COBL: variants seen among roughly 807,000 people sequenced by gnomAD.
COBL encodes the protein cordon-bleu WH2 repeat protein, also known as protein cordon-bleu.
A neutral mutation model predicts 98.8 loss-of-function variants in COBL; 51 were observed. That is an observed-to-expected ratio of 0.52 (90% confidence interval 0.41 to 0.65). The LOEUF (loss-of-function observed/expected upper bound fraction) is 0.65, where lower values mean the gene tolerates loss of function less well. Ranked by LOEUF, COBL falls within the 30% of genes least tolerant of loss-of-function variation. The probability of loss-of-function intolerance (pLI) is 0.00; values close to 1 mark genes in which losing one functional copy is unlikely to be tolerated. For missense variants in COBL, 1,617 were observed against 1,617.5 expected (o/e 1.00, Z 0.01); for synonymous variants, 634 against 651.7 (o/e 0.97, Z 0.41).
intron 6 of COBL, among the ~76,000 whole-genome samples, chr7:51,103,303 AAGAG>A (rs914403950): frequency 1.3e-5 from 2 of 152,152 alleles, no homozygotes; most frequent in South Asian, 4.1e-4. Flanking sequence ...GTGTGTGAGA[AAGAG>A]AGAGAATTGG....
intron 1 of COBL, among the ~76,000 whole-genome samples, chr7:51,258,964 T>C (rs1199146422): frequency 6.6e-6 from 1 of 152,092 alleles, no homozygotes; most frequent in Non-Finnish European, 1.5e-5. Flanking sequence ...GCCTCCTCTG[T>C]CATCCCAATC....
In COBL at chr7:51,207,956, CCTGGCCG is replaced by C. The variant is rs1378088824; in HGVS notation, c.245+11778_245+11784del. Among the ~76,000 whole-genome samples the C allele has an allele frequency of 3.7e-3, 512 of 137,348 alleles. 8 individuals carry two copies. Among genetic ancestry groups the C allele is most frequent in the African/African-American group, 0.013 (486 of 37,870 alleles). 90.1% of individuals were successfully genotyped at this position (137,348 alleles called of 152,430 possible). A position where few individuals can be genotyped will look rare whatever the true frequency, so the allele number is the denominator to read the frequency against. On this transcript the variant is annotated intron_variant, in intron 2 of 12. Transcript: ENST00000265136. ...GTCTGGAAAGTGAGGAGCGTCTCTG[CCTGGCCG>C]CCATCCCATCTAGGAAGTGAGGAGA... is the stretch of plus-strand genomic sequence containing the variant.
At chr7:51,158,564 A>T (rs1231710496) in intron 5 of COBL, among the ~76,000 whole-genome samples, 1 of 152,166 alleles carries the variant, frequency 6.6e-6, no homozygotes, top group Non-Finnish European at 1.5e-5. Context: ...AGCAGTGGGG[A>T]TTTAAGAAGA....
chr7:51,120,106 T>C (rs1350065981), intron 6 of COBL, among the ~76,000 whole-genome samples: 2 of 152,134 alleles, frequency 1.3e-5, no homozygotes, highest in Non-Finnish European at 2.9e-5. Context: ...TAAGTAAATA[T>C]AATAAATATG....
intron 2 of COBL, among the ~76,000 whole-genome samples, chr7:51,205,610 A>G (rs1330317550): frequency 6.7e-6 from 1 of 150,266 alleles, no homozygotes; most frequent in Non-Finnish European, 1.5e-5. Flanking sequence ...TGGTCTGGGC[A>G]GTTTTTTGTT....
chr7:51,172,187 C>T (rs1392190481), intron 5 of COBL, among the ~76,000 whole-genome samples: 4 of 152,182 alleles, frequency 2.6e-5, no homozygotes, highest in African/African-American at 7.2e-5. Context: ...ATGGTAGTTT[C>T]GGGAAGCATG....
chr7:51,261,904 CGCCAT>C (rs1797755268), intron 1 of COBL, among the ~76,000 whole-genome samples: 1 of 152,102 alleles, frequency 6.6e-6, no homozygotes, highest in African/African-American at 2.4e-5. Context: ...GCCAAGATCA[CGCCAT>C]TGCACTCCAA....
chr7:51,315,259 C>A (rs75040138), intron 1 of COBL, among the ~76,000 whole-genome samples: 83 of 137,492 alleles, frequency 6.0e-4, no homozygotes, highest in Non-Finnish European at 5.9e-4. Context: ...AAGTGCACTG[C>A]AAAAAAAAAA....
chr7:51,309,920 G>T (rs1802851498), intron 1 of COBL, among the ~76,000 whole-genome samples: 1 of 152,170 alleles, frequency 6.6e-6, no homozygotes, highest in African/African-American at 2.4e-5. Flanking sequence ...CTCTCAGAAG[G>T]CCTCCTGGGG....
rs74937360 is a variant in COBL, at chr7:51,214,451, T to C, written c.245+5290A>G. Among the ~76,000 whole-genome samples the C allele has an allele frequency of 8.3e-3, 1,269 of 152,242 alleles. 69 individuals are homozygous for C. In the South Asian group the frequency reaches 0.15, roughly 18 times the overall value. On this transcript the variant is annotated intron_variant, in intron 2 of 12. Transcript: ENST00000265136. ...AGGTGTGAACAGGCGATCTCAGACA[T>C]GGAGTGCATTCTGGTTGGCTTCAGC...
At chr7:51,184,511 A>C (rs540948812) in intron 4 of COBL, among the ~76,000 whole-genome samples, 2 of 152,372 alleles carry the variant, frequency 1.3e-5, no homozygotes, top group Non-Finnish European at 2.9e-5. Context: ...ACAGAAAGCT[A>C]AACCAGACCA....
At chr7:51,022,010 G>A (rs1230111074) in intron 12 of COBL, among the ~76,000 whole-genome samples, 1 of 152,116 alleles carries the variant, frequency 6.6e-6, no homozygotes, top group African/African-American at 2.4e-5. Context: ...AGGGCAGGTC[G>A]ATCACCCAAT....
chr7:51,181,749 G>A (rs1410891021), intron 5 of COBL, among the ~76,000 whole-genome samples: 1 of 152,138 alleles, frequency 6.6e-6, no homozygotes, highest in Admixed American at 6.6e-5. Flanking sequence ...CACTGACTGC[G>A]CCTTCACTGC....
chr7:51,217,167 C>T (rs1793133924), intron 2 of COBL, among the ~76,000 whole-genome samples: 1 of 152,190 alleles, frequency 6.6e-6, no homozygotes, highest in African/African-American at 2.4e-5. Flanking sequence ...TACAAAACTT[C>T]ATGGTGGCAA....
chr7:51,065,265 G>A, intron 7 of COBL: 1 of 703,452 alleles, frequency 1.4e-6, no homozygotes. Flanking sequence ...AAAGACCCAA[G>A]AGAAGGCTGA....
intron 1 of COBL, among the ~76,000 whole-genome samples, chr7:51,295,918 T>C (rs1412496299): frequency 1.3e-5 from 2 of 152,220 alleles, no homozygotes; most frequent in East Asian, 3.8e-4. Flanking sequence ...ATCTTAGGGA[T>C]AGTTACAGCT....
chr7:51,214,490 C>T (rs892289986), intron 2 of COBL, among the ~76,000 whole-genome samples: 11 of 152,046 alleles, frequency 7.2e-5, no homozygotes, highest in African/African-American at 2.2e-4. Context: ...GAAGGAATCC[C>T]TTTGCTGACC....
intron 1 of COBL, among the ~76,000 whole-genome samples, chr7:51,304,048 C>A (rs759695660): frequency 1.9e-4 from 29 of 152,144 alleles, no homozygotes; most frequent in Non-Finnish European, 3.4e-4. Flanking sequence ...CTAATGCTCC[C>A]CCAAAACCAC....
rs543923406 is a variant in COBL, at chr7:51,130,241, CT to C, written c.957+5916del. On this transcript the variant is annotated intron_variant, in intron 6 of 12. Transcript: ENST00000265136. The stretch of plus-strand genomic sequence containing the variant: ...TCTACTTTGCTGAGCCTCAGCCGAC[CT>C]GAGTCCTTCCTTCCGAACAAAGCAC... Among the ~76,000 whole-genome samples the C allele has an allele frequency of 1.3e-3, 197 of 152,306 alleles. 1 individual carries two copies. The highest frequency in any genetic ancestry group is 1.7e-3 in the Non-Finnish European group (115 of 68,028).
Sources: allele counts gnomAD v4.1 joint callset (sites outside exome capture counted in the v4.1 genomes callset), GRCh38; gene constraint gnomAD v4.1.1; transcripts MANE v1.5; gene names NCBI Gene and HGNC (gene_info 2026-07-23, HGNC 2026-07-21).